The following TGFA variants were observed in gnomAD, a reference collection of about 807,000 sequenced individuals.
TGFA encodes the protein transforming growth factor alpha.
TGFA carries 12 observed loss-of-function variants against 21.7 expected under a neutral mutation model. That is an observed-to-expected ratio of 0.55 (90% confidence interval 0.35 to 0.90). The LOEUF is 0.90. Among genes scored for constraint, TGFA ranks in the 40% least tolerant of loss-of-function variants. The pLI, the probability that TGFA is intolerant of heterozygous loss-of-function variation, is 0.01. For synonymous variants in TGFA, 79 were observed against 88.1 expected (o/e 0.90, Z 0.58); for missense variants, 178 against 210.8 (o/e 0.84, Z 0.96).
intron 2 of TGFA, among the ~76,000 whole-genome samples, chr2:70,496,854 G>A (rs933755719): frequency 4.6e-5 from 7 of 152,170 alleles, no homozygotes. Context: ...AATGGGGGAG[G>A]CAGGCAAATA....
chr2:70,471,512 G>A (rs777268183), intron 2 of TGFA, among the ~76,000 whole-genome samples: 15 of 152,184 alleles, frequency 9.9e-5, no homozygotes, highest in East Asian at 3.9e-4. Flanking sequence ...AAGTGAGGGC[G>A]GAGTAACTGT....
At position 70,553,689 on chromosome 2, in the gene TGFA, G is replaced by T. The variant is rs1574160164; in HGVS notation, c.40+39C>A. On this transcript the variant is annotated intron_variant, in intron 1 of 5. Transcript: ENST00000295400. ...CGGCGGGGACCGGGGGAAGCAGGGT[G>T]TCGCGCGGCGCAGGGGGCGCCGCAG... 3.7e-6 allele frequency: 5 copies of T among 1,336,586 alleles called. No homozygotes were observed. The East Asian group carries it at 9.0e-5, about 24-fold the overall frequency. The allele number at this position is 1,336,586 out of a possible 1,614,324, so 82.8% of individuals were successfully genotyped here. A position where few individuals can be genotyped will look rare whatever the true frequency, so the allele number is the denominator to read the frequency against.
chr2:70,466,705 T>C (rs1670576391), intron 2 of TGFA, among the ~76,000 whole-genome samples: 1 of 152,188 alleles, frequency 6.6e-6, no homozygotes, highest in African/African-American at 2.4e-5. Context: ...GGAATATAAA[T>C]CATTCTATGA....
chr2:70,498,177 G>T (rs1671631242), intron 2 of TGFA, among the ~76,000 whole-genome samples: 1 of 152,246 alleles, frequency 6.6e-6, no homozygotes, highest in Non-Finnish European at 1.5e-5. Context: ...ATAAAAGCTG[G>T]TCTTACCTAT....
At chr2:70,485,214 A>G (rs1407393742) in intron 2 of TGFA, among the ~76,000 whole-genome samples, 1 of 152,036 alleles carries the variant, frequency 6.6e-6, no homozygotes, top group Non-Finnish European at 1.5e-5. Flanking sequence ...CCCTTCCTAA[A>G]TTGATACGCC....
intron 2 of TGFA, among the ~76,000 whole-genome samples, chr2:70,510,471 G>A (rs1018921180): frequency 2.2e-4 from 34 of 152,192 alleles, no homozygotes; most frequent in African/African-American, 8.2e-4. Context: ...AAACCTCACA[G>A]GCCACTTCTG....
At chr2:70,531,466 A>G (rs1249914992) in intron 1 of TGFA, among the ~76,000 whole-genome samples, 1 of 152,262 alleles carries the variant, frequency 6.6e-6, no homozygotes, top group Non-Finnish European at 1.5e-5. Context: ...TATAAGCAAC[A>G]TAAGTGGGGA....
intron 3 of TGFA, among the ~76,000 whole-genome samples, chr2:70,461,441 G>A (rs538322461): frequency 2.6e-4 from 39 of 152,304 alleles, no homozygotes; most frequent in Non-Finnish European, 4.3e-4. Context: ...AGGTCTCTTC[G>A]GGTGTTTAAC....
At chr2:70,469,078 G>A (rs544472899) in intron 2 of TGFA, among the ~76,000 whole-genome samples, 2 of 152,220 alleles carry the variant, frequency 1.3e-5, no homozygotes, top group African/African-American at 4.8e-5. Flanking sequence ...CCACCTCCAA[G>A]TGGCTAGAGG....
intron 1 of TGFA, chr2:70,553,265 A>G: frequency 6.5e-7 from 1 of 1,535,894 alleles, no homozygotes; most frequent in Non-Finnish European, 8.7e-7. Context: ...TGGGGCTTAG[A>G]GGTGGGCAGG....
chr2:70,533,926 T>C (rs920391676), intron 1 of TGFA, among the ~76,000 whole-genome samples: 1 of 152,158 alleles, frequency 6.6e-6, no homozygotes, highest in Admixed American at 6.5e-5. Context: ...CTGGTTGTTT[T>C]GTGTGTTAGC....
At chr2:70,482,201 T>A (rs1441826007) in intron 2 of TGFA, among the ~76,000 whole-genome samples, 1 of 152,170 alleles carries the variant, frequency 6.6e-6, no homozygotes, top group Non-Finnish European at 1.5e-5. Flanking sequence ...CCAAATACGT[T>A]GGATGTTGGC....
intron 2 of TGFA, among the ~76,000 whole-genome samples, chr2:70,475,970 C>T (rs782244891): frequency 9.4e-5 from 14 of 148,396 alleles, no homozygotes; most frequent in East Asian, 6.1e-4. Context: ...ATATACTGGA[C>T]GAAGATCACA....
chr2:70,488,921 C>T (rs1671346307), intron 2 of TGFA, among the ~76,000 whole-genome samples: 1 of 152,178 alleles, frequency 6.6e-6, no homozygotes, highest in Admixed American at 6.5e-5. Flanking sequence ...ACACCGTCAG[C>T]TTACTTTTAA....
chr2:70,538,576 G>C (rs992442093), intron 1 of TGFA, among the ~76,000 whole-genome samples: 10 of 152,324 alleles, frequency 6.6e-5, no homozygotes, highest in Non-Finnish European at 1.3e-4. Flanking sequence ...AATGGAGGAA[G>C]CAACTACAGA....
Position 70,453,235 on chromosome 2 carries a change from C to T in TGFA, c.458G>A (p.Cys153Tyr), listed in dbSNP as rs1211195333. The change falls in exon 5 of 6, where the codon TGC (cysteine) becomes TAC (tyrosine). Residue 153 changes from cysteine to tyrosine, a missense_variant. Cys to Tyr is a radical substitution (Grantham distance 194, BLOSUM62 -2). Coordinates refer to ENST00000295400, the MANE Select transcript of TGFA (RefSeq NM_003236.4). ...CTCCTTACCTGTTTCTGAGTGGCAG[C>T]AAGCGGTTCTTCCCTTCAGGAGGGC... The part of the protein sequence containing the change: ...PSALLKGRTA[C>Y]CHSETVV 5 of 1,613,746 alleles carry T rather than the reference C, an allele frequency of 3.1e-6. No individual in the cohort carries two copies. The highest frequency in any genetic ancestry group is 4.2e-6 in the Non-Finnish European group (5 of 1,179,768).
intron 2 of TGFA, among the ~76,000 whole-genome samples, chr2:70,476,663 T>C (rs1472318346): frequency 6.6e-6 from 1 of 152,260 alleles, no homozygotes; most frequent in Non-Finnish European, 1.5e-5. Context: ...GAACATTTTA[T>C]GTCCTCAGAA....
At chr2:70,520,500 C>G (rs376983533) in intron 1 of TGFA, among the ~76,000 whole-genome samples, 2 of 150,656 alleles carry the variant, frequency 1.3e-5, no homozygotes, top group Admixed American at 6.6e-5. Flanking sequence ...GGTGACAGAG[C>G]GAGACTCCCA....
intron 2 of TGFA, among the ~76,000 whole-genome samples, chr2:70,502,100 C>G (rs1483430457): frequency 6.6e-6 from 1 of 152,206 alleles, no homozygotes; most frequent in Non-Finnish European, 1.5e-5. Flanking sequence ...ACACAGCAGC[C>G]CTGGTGGTTC....
Sources: allele counts gnomAD v4.1 joint callset (sites outside exome capture counted in the v4.1 genomes callset), GRCh38; gene constraint gnomAD v4.1.1; transcripts MANE v1.5; gene names NCBI Gene and HGNC (gene_info 2026-07-23, HGNC 2026-07-21).